LSAMP: variants seen among roughly 807,000 people sequenced by gnomAD.
The protein encoded by LSAMP is limbic system-associated membrane protein.
Under a neutral mutation model 38.6 loss-of-function variants are expected in LSAMP, and 7 were observed. The ratio of observed to expected loss-of-function variants is 0.18; its 90% confidence interval spans 0.10 to 0.34. LSAMP has a LOEUF of 0.34. LSAMP is among the 10% of genes least tolerant of loss of function. The pLI is 1.00. For missense variants in LSAMP, 313 were observed against 420.0 expected (o/e 0.75, Z 2.23); for synonymous variants, 154 against 166.8 (o/e 0.92, Z 0.59).
At chr3:116,201,805 G>A (rs953995995) in intron 1 of LSAMP, among the ~76,000 whole-genome samples, 1 of 152,056 alleles carries the variant, frequency 6.6e-6, no homozygotes, top group African/African-American at 2.4e-5. Flanking sequence ...TCCTGACCAA[G>A]GAAAAGTGAG....
chr3:116,435,546 C>T (rs896101900), intron 1 of LSAMP, among the ~76,000 whole-genome samples: 1 of 152,182 alleles, frequency 6.6e-6, no homozygotes, highest in Non-Finnish European at 1.5e-5. Flanking sequence ...CTCAAGAGAT[C>T]TTGTCCTGCG....
intron 1 of LSAMP, among the ~76,000 whole-genome samples, chr3:116,248,540 A>C (rs1304190683): frequency 1.4e-5 from 2 of 140,194 alleles, no homozygotes; most frequent in Admixed American, 1.4e-4. Context: ...TGTGTATCAG[A>C]CTATGGGGAC....
rs1018760287 is a variant in LSAMP, at chr3:115,807,995, C to A, written c.*2322G>T. ...CATGAAAGAAGGCTGTGATAAGCTTCTAAAACAAACAATAAAATCCCTTAG... is the reference window on the plus strand; with the variant it reads ...CATGAAAGAAGGCTGTGATAAGCTTATAAAACAAACAATAAAATCCCTTAG... On this transcript the variant is annotated 3_prime_UTR_variant, in exon 7 of 7. Coordinates refer to ENST00000490035, the MANE Select transcript of LSAMP (RefSeq NM_002338.5). 2.6e-5 allele frequency: 4 copies of A among 152,106 alleles called. No individual in the cohort carries two copies. Among genetic ancestry groups the A allele is most frequent in the African/African-American group, 9.6e-5 (4 of 41,500 alleles). 9.4% of individuals were successfully genotyped at this position (152,106 alleles called of 1,614,324 possible). A position where few individuals can be genotyped will look rare whatever the true frequency, so the allele number is the denominator to read the frequency against.
At chr3:116,164,564 C>T (rs1166589119) in intron 1 of LSAMP, among the ~76,000 whole-genome samples, 15 of 48,942 alleles carry the variant, frequency 3.1e-4, no homozygotes, top group African/African-American at 8.8e-4. Flanking sequence ...CATGGGGTCA[C>T]TAATCCAAAT....
chr3:116,096,451 C>T (rs1708228758), intron 1 of LSAMP, among the ~76,000 whole-genome samples: 1 of 152,184 alleles, frequency 6.6e-6, no homozygotes, highest in Non-Finnish European at 1.5e-5. Flanking sequence ...ATCTGATAGC[C>T]CCTTGGTCCC....
At chr3:116,080,273 C>G (rs1707843284) in intron 2 of LSAMP, among the ~76,000 whole-genome samples, 1 of 152,150 alleles carries the variant, frequency 6.6e-6, no homozygotes, top group Non-Finnish European at 1.5e-5. Flanking sequence ...CTTCAAGTAA[C>G]TTTCTTTTTC....
At chr3:116,276,181 G>C (rs1446650972) in intron 1 of LSAMP, among the ~76,000 whole-genome samples, 1 of 152,064 alleles carries the variant, frequency 6.6e-6, no homozygotes, top group Non-Finnish European at 1.5e-5. Context: ...TGCAAAGAGA[G>C]AATGACCTTT....
chr3:115,994,066 G>A (rs1352599849), intron 3 of LSAMP, among the ~76,000 whole-genome samples: 2 of 152,048 alleles, frequency 1.3e-5, no homozygotes, highest in Non-Finnish European at 2.9e-5. Context: ...CTACCTTTGT[G>A]ATTTGAATCT....
intron 2 of LSAMP, among the ~76,000 whole-genome samples, chr3:116,060,437 A>AAC (rs61085045): frequency 0.015 from 2,285 of 150,818 alleles, 48 homozygotes; most frequent in African/African-American, 0.046. Context: ...TTACTTTTAA[A>AAC]ACACACACAC....
intron 3 of LSAMP, among the ~76,000 whole-genome samples, chr3:115,862,413 C>T (rs1427545397): frequency 2.0e-5 from 3 of 152,172 alleles, no homozygotes; most frequent in Non-Finnish European, 2.9e-5. Context: ...CAGACAATAA[C>T]CCCGTCTAGC....
chr3:116,418,038 T>C (rs2049074493), intron 1 of LSAMP, among the ~76,000 whole-genome samples: 1 of 152,242 alleles, frequency 6.6e-6, no homozygotes, highest in African/African-American at 2.4e-5. Context: ...TAAAAAGTTG[T>C]GCCATTTTTA....
At chr3:115,815,201 G>A (rs2107454924) in intron 6 of LSAMP, among the ~76,000 whole-genome samples, 1 of 152,222 alleles carries the variant, frequency 6.6e-6, no homozygotes, top group East Asian at 1.9e-4. Flanking sequence ...TATTTTGTTA[G>A]AATTGTTTTA....
At chr3:115,891,995 A>T (rs534866405) in intron 3 of LSAMP, among the ~76,000 whole-genome samples, 1 of 152,014 alleles carries the variant, frequency 6.6e-6, no homozygotes, top group Non-Finnish European at 1.5e-5. Flanking sequence ...TCACTGTACT[A>T]TATCACTTAA....
chr3:116,048,645 A>G (rs1576332241), intron 2 of LSAMP, among the ~76,000 whole-genome samples: 1 of 152,252 alleles, frequency 6.6e-6, no homozygotes, highest in East Asian at 1.9e-4. Context: ...GACAGAATCA[A>G]ATTGAACTAT....
chr3:116,345,202 G>T (rs1404519035), intron 1 of LSAMP, among the ~76,000 whole-genome samples: 1 of 152,086 alleles, frequency 6.6e-6, no homozygotes, highest in African/African-American at 2.4e-5. Context: ...AAAGGAAGAG[G>T]TTTGATTCTT....
chr3:116,405,730 T>C (rs147679536), intron 1 of LSAMP, among the ~76,000 whole-genome samples: 34 of 152,126 alleles, frequency 2.2e-4, no homozygotes, highest in Middle Eastern at 3.4e-3. Context: ...AGAGGTGCAA[T>C]TGATTAATTA....
intron 2 of LSAMP, among the ~76,000 whole-genome samples, chr3:116,043,337 A>G (rs9851643): frequency 0.13 from 19,185 of 152,254 alleles, 1,346 homozygotes; most frequent in Non-Finnish European, 0.16. Context: ...AATGTGAAAC[A>G]TGATAATTCT....
At chr3:115,998,573 C>T (rs147995475) in intron 3 of LSAMP, among the ~76,000 whole-genome samples, 6 of 152,252 alleles carry the variant, frequency 3.9e-5, no homozygotes, top group Non-Finnish European at 7.3e-5. Context: ...GTGCTGTCAT[C>T]ACCTGGAAGC....
At chr3:116,386,460 A>G (rs1282349763) in intron 1 of LSAMP, among the ~76,000 whole-genome samples, 1 of 152,038 alleles carries the variant, frequency 6.6e-6, no homozygotes, top group Non-Finnish European at 1.5e-5. Context: ...ACAGTCATAT[A>G]GTACATATTC....
Sources: gnomAD v4.1 joint callset for allele counts (sites outside exome capture counted in the v4.1 genomes callset) on GRCh38, gnomAD v4.1.1 for gene constraint, MANE v1.5 for transcripts, NCBI Gene and HGNC (gene_info 2026-07-23, HGNC 2026-07-21) for gene names.